NSMCE2: variants seen among roughly 807,000 people sequenced by gnomAD.
NSMCE2 encodes NSE2 SUMO ligase component of SMC5/6 complex.
A neutral mutation model predicts 23.8 loss-of-function variants in NSMCE2; 24 were observed. The observed-to-expected ratio is 1.01, with a 90% confidence interval of 0.73 to 1.42. The LOEUF (loss-of-function observed/expected upper bound fraction) is 1.42, where lower values mean the gene tolerates loss of function less well. NSMCE2 is among the 40% of genes most tolerant of loss of function. The probability of loss-of-function intolerance (pLI) is 0.00; values close to 1 mark genes in which losing one functional copy is unlikely to be tolerated. For synonymous variants in NSMCE2, 92 were observed against 94.1 expected (o/e 0.98, Z 0.13); for missense variants, 284 against 296.5 (o/e 0.96, Z 0.31).
At chr8:125,170,344 T>C (rs1410586166) in intron 4 of NSMCE2, among the ~76,000 whole-genome samples, 2 of 142,294 alleles carry the variant, frequency 1.4e-5, no homozygotes, top group Non-Finnish European at 3.1e-5. Flanking sequence ...ACAGCCCATA[T>C]CCAGTCCATC....
chr8:125,325,558 G>T (rs1829633618), intron 5 of NSMCE2, among the ~76,000 whole-genome samples: 1 of 152,052 alleles, frequency 6.6e-6, no homozygotes, highest in Non-Finnish European at 1.5e-5. Flanking sequence ...TGCCATGTAG[G>T]CTGGTCTTGA....
intron 5 of NSMCE2, among the ~76,000 whole-genome samples, chr8:125,336,064 T>C (rs1830055146): frequency 6.6e-6 from 1 of 151,258 alleles, no homozygotes; most frequent in South Asian, 2.1e-4. Flanking sequence ...GGGAGAAGAG[T>C]AGGGAAAGTT....
chr8:125,330,053 G>T (rs1451297623), intron 5 of NSMCE2, among the ~76,000 whole-genome samples: 2 of 152,174 alleles, frequency 1.3e-5, no homozygotes, highest in African/African-American at 4.8e-5. Context: ...ACAGGAGGAA[G>T]GGGTATGACC....
At position 125,182,064 on chromosome 8, in the gene NSMCE2, A is replaced by G. The variant is rs73349807; in HGVS notation, c.265-39A>G. On this transcript the variant is annotated intron_variant, in intron 4 of 7. Coordinates refer to ENST00000287437, the MANE Select transcript of NSMCE2 (RefSeq NM_173685.4). ...GCAAAACTTTGTTAACACTATTATT[A>G]TTAACATTTAACTCAGGTAATTTTG... 1.6e-4 allele frequency: 235 copies of G among 1,436,868 alleles called. 1 individual carries two copies. The African/African-American group carries it at 3.0e-3, about 19-fold the overall frequency. 89.0% of individuals were successfully genotyped at this position (1,436,868 alleles called of 1,614,324 possible).
At position 125,358,136 on chromosome 8, in the gene NSMCE2, C is replaced by T. The variant is rs532414667; in HGVS notation, c.626+318C>T. ...TCACCTGAGGTCAGGAGTTCAAGAC[C>T]AGCCTGGCCAACATGGTGAAACCCC... On this transcript the variant is annotated intron_variant, in intron 7 of 7. Transcript: ENST00000287437. Among the ~76,000 whole-genome samples the T allele has an allele frequency of 1.2e-4, 18 of 152,164 alleles. No individual in the cohort carries two copies. The South Asian group carries it at 1.5e-3, about 12-fold the overall frequency.
chr8:125,170,098 CT>C (rs11345496), intron 4 of NSMCE2, among the ~76,000 whole-genome samples: 24,187 of 152,086 alleles, frequency 0.16, 2,926 homozygotes, highest in African/African-American at 0.34. Flanking sequence ...GCATTTGTAG[CT>C]GTAACCTAGT....
intron 7 of NSMCE2, among the ~76,000 whole-genome samples, chr8:125,360,917 G>T (rs1813512794): frequency 6.6e-6 from 1 of 152,126 alleles, no homozygotes; most frequent in South Asian, 2.1e-4. Context: ...TTCAGGCCCT[G>T]GGAAGGCCTC....
At chr8:125,329,059 A>T (rs1829779996) in intron 5 of NSMCE2, among the ~76,000 whole-genome samples, 1 of 152,218 alleles carries the variant, frequency 6.6e-6, no homozygotes, top group African/African-American at 2.4e-5. Flanking sequence ...CTACTGTATT[A>T]GTTAAGATGT....
chr8:125,168,044 T>G (rs1821986038), intron 4 of NSMCE2, among the ~76,000 whole-genome samples: 1 of 152,236 alleles, frequency 6.6e-6, no homozygotes, highest in Non-Finnish European at 1.5e-5. Flanking sequence ...AAACATTACC[T>G]GGCTTATCAT....
intron 5 of NSMCE2, among the ~76,000 whole-genome samples, chr8:125,337,277 C>T (rs988472644): frequency 6.6e-6 from 1 of 152,186 alleles, no homozygotes; most frequent in African/African-American, 2.4e-5. Flanking sequence ...TGACTTGCAA[C>T]CCTACACCCC....
intron 4 of NSMCE2, among the ~76,000 whole-genome samples, chr8:125,163,362 C>T (rs1213753024): frequency 2.6e-5 from 4 of 152,068 alleles, no homozygotes; most frequent in Admixed American, 1.3e-4. Flanking sequence ...CTGAATAAGC[C>T]GTAATCATCT....
chr8:125,286,565 G>A (rs899629779), intron 5 of NSMCE2, among the ~76,000 whole-genome samples: 3 of 151,674 alleles, frequency 2.0e-5, no homozygotes, highest in Non-Finnish European at 4.4e-5. Flanking sequence ...CTCCTGCCTC[G>A]GCCTCCCAAA....
At chr8:125,125,894 G>A (rs1563665560) in intron 3 of NSMCE2, among the ~76,000 whole-genome samples, 1 of 152,202 alleles carries the variant, frequency 6.6e-6, no homozygotes, top group African/African-American at 2.4e-5. Context: ...GGGTGATACT[G>A]TGGAGGGTTT....
chr8:125,108,820 GAGTTGTTTAC>G (rs961205086), intron 3 of NSMCE2, among the ~76,000 whole-genome samples: 1 of 152,178 alleles, frequency 6.6e-6, no homozygotes, highest in African/African-American at 2.4e-5. Flanking sequence ...TTCTTCCTTT[GAGTTGTTTAC>G]AGTCTAGGTA....
At chr8:125,204,218 G>T (rs960662471) in intron 5 of NSMCE2, among the ~76,000 whole-genome samples, 5 of 152,146 alleles carry the variant, frequency 3.3e-5, no homozygotes, top group Non-Finnish European at 7.4e-5. Context: ...TAAAAGATAG[G>T]TCAAGGCCCT....
intron 5 of NSMCE2, among the ~76,000 whole-genome samples, chr8:125,297,200 T>A (rs1828365715): frequency 6.6e-6 from 1 of 152,172 alleles, no homozygotes; most frequent in Admixed American, 6.5e-5. Flanking sequence ...TGTCTGAATA[T>A]AATGTAACTA....
In NSMCE2 at chr8:125,366,768, T is replaced by C. The variant is rs1397777014; in HGVS notation, c.627T>C (p.Tyr209=). The change falls in exon 8 of 8, where the codon TAT becomes TAC. Residue 209 remains tyrosine (Y), a splice_region_variant and synonymous_variant. Coordinates refer to ENST00000287437, the MANE Select transcript of NSMCE2 (RefSeq NM_173685.4). ...ACTTGATGTTCTTTCTTTCTCACAG[T>C]TGCCCTCAAATTGGCTGTAGCCACA... ...ESRQKRKKKA[Y]CPQIGCSHTD... 6.3e-7 allele frequency: 1 copy of C among 1,579,556 alleles called. No homozygotes were observed. Among genetic ancestry groups the C allele is most frequent in the Admixed American group, 1.7e-5 (1 of 59,786 alleles).
chr8:125,364,973 A>G (rs957756816), intron 7 of NSMCE2, among the ~76,000 whole-genome samples: 1 of 152,152 alleles, frequency 6.6e-6, no homozygotes, highest in African/African-American at 2.4e-5. Flanking sequence ...CACTTTGAGA[A>G]CCAGATTCTT....
At chr8:125,239,287 C>T (rs1389434161) in intron 5 of NSMCE2, among the ~76,000 whole-genome samples, 3 of 152,114 alleles carry the variant, frequency 2.0e-5, no homozygotes, top group Non-Finnish European at 4.4e-5. Flanking sequence ...GGATTTGAAA[C>T]AACATCTTAT....
Sources: allele counts gnomAD v4.1 joint callset (sites outside exome capture counted in the v4.1 genomes callset), GRCh38; gene constraint gnomAD v4.1.1; transcripts MANE v1.5; gene names NCBI Gene and HGNC (gene_info 2026-07-23, HGNC 2026-07-21).